SESN2: variants seen among roughly 807,000 people sequenced by gnomAD.
The protein encoded by SESN2 is sestrin-2.
SESN2 carries 42 observed loss-of-function variants against 56.0 expected under a neutral mutation model. The observed-to-expected ratio is 0.75, with a 90% CI of 0.59 to 0.97. The LOEUF is 0.97. Ranked by LOEUF, SESN2 falls within the 50% of genes least tolerant of loss-of-function variation. The pLI is 0.00. For missense variants in SESN2, 507 were observed against 649.4 expected (o/e 0.78, Z 2.38); for synonymous variants, 264 against 267.1 (o/e 0.99, Z 0.11).
intron 9 of SESN2, among the ~76,000 whole-genome samples, chr1:28,279,712 A>AT (rs1229353364): frequency 4.6e-5 from 7 of 151,574 alleles, no homozygotes; most frequent in Non-Finnish European, 1.0e-4. Context: ...TCCCCAGCTA[A>AT]TTTTTTGTAT....
In SESN2 at chr1:28,271,725, C is replaced by T. The variant is rs765961784; in HGVS notation, c.208C>T (p.Leu70=). 2 of 1,614,120 alleles carry T rather than the reference C, an allele frequency of 1.2e-6. No homozygotes were observed. Among genetic ancestry groups the T allele is most frequent in the Non-Finnish European group, 1.7e-6 (2 of 1,180,050 alleles). The change falls in exon 3 of 10, where the codon CTG becomes TTG. Residue 70 remains leucine (L), a synonymous_variant. Transcript: ENST00000253063. ...CGAGCAGCACCTGGGGCTGGAGGCA[C>T]TGATGTCCTCTGGGCGAGTAGACAA... ...SLEQHLGLEA[L]MSSGRVDNLA...
Position 28,273,366 on chromosome 1 carries a change from G to A in SESN2, c.759G>A (p.Glu253=), listed in dbSNP as rs768520117. 5.6e-6 allele frequency: 9 copies of A among 1,594,770 alleles called. No homozygotes were observed. In the East Asian group the frequency reaches 1.8e-4, roughly 32 times the overall value. ...CGGGGCCTCTCCTGCAGGGCTTTGA[G>A]TCTGCCCGCGACGTGGAGGCGCTGA... ...RDPLNNSGGF[E]SARDVEALME... is the part of the protein sequence containing the mutation. The change falls in exon 6 of 10, where the codon GAG becomes GAA. Residue 253 remains glutamate (E), a synonymous_variant. Transcript: ENST00000253063.
intron 8 of SESN2, among the ~76,000 whole-genome samples, chr1:28,276,501 A>T (rs182255840): frequency 7.9e-5 from 12 of 151,950 alleles, no homozygotes; most frequent in East Asian, 1.9e-4. Flanking sequence ...AATAAAATTT[A>T]AAAAAAATTA....
In SESN2 at chr1:28,274,832, C is replaced by T. The variant is rs1251134674; in HGVS notation, c.1028C>T (p.Thr343Ile). 1.2e-6 allele frequency: 2 copies of T among 1,612,348 alleles called. No homozygotes were observed. The highest frequency in any genetic ancestry group is 1.7e-6 in the Non-Finnish European group (2 of 1,178,882). The change falls in exon 8 of 10, where the codon ACC (threonine) becomes ATC (isoleucine). Residue 343 changes from threonine (T) to isoleucine (I), a missense_variant. Physicochemically the swap from Thr to Ile is moderately conservative, Grantham distance 89 (BLOSUM62 -1). Transcript: ENST00000253063. ...CCTTCCCACCTACCTAAGGATTATA[C>T]CTGGGAAGACCATGGCTACTCGCTG... ...APPTFRAQDY[T>I]WEDHGYSLIQ...
At chr1:28,260,651 A>G (rs1026052135) in intron 1 of SESN2, among the ~76,000 whole-genome samples, 2 of 152,130 alleles carry the variant, frequency 1.3e-5, no homozygotes, top group East Asian at 1.9e-4. Context: ...CTGAAGGCCC[A>G]GAAGTTTGTT....
At position 28,280,902 on chromosome 1, in the gene SESN2, G is replaced by T. The variant is rs533051045; in HGVS notation, c.*100G>T. On this transcript the variant is annotated 3_prime_UTR_variant, in exon 10 of 10. Coordinates refer to ENST00000253063, the MANE Select transcript of SESN2 (RefSeq NM_031459.5). The stretch of plus-strand genomic sequence containing the variant: ...TGTGTCCCATGCCCACCCTCCCCAC[G>T]CTGCAGTGGGCTTGTGTGTGATGTG... The T allele has an allele frequency of 2.4e-6, 2 of 842,654 alleles. No individual in the cohort carries two copies. Among genetic ancestry groups the T allele is most frequent in the South Asian group, 2.9e-5 (2 of 69,550 alleles). The allele number at this position is 842,654 out of a possible 1,614,324, so 52.2% of individuals were successfully genotyped here. A position where few individuals can be genotyped will look rare whatever the true frequency, so the allele number is the denominator to read the frequency against.
At chr1:28,262,634 A>AC in intron 1 of SESN2, among the ~76,000 whole-genome samples, 1 of 148,410 alleles carries the variant, frequency 6.7e-6, no homozygotes, top group Non-Finnish European at 1.5e-5. Context: ...AAAAAAAAAA[A>AC]AAAAAAAAAC....
chr1:28,282,082 C>G lies in SESN2; in HGVS notation c.*1280C>G, dbSNP rs1163380923. 1 of 152,296 alleles carries G rather than the reference C, an allele frequency of 6.6e-6. No individual in the cohort carries two copies. The highest frequency in any genetic ancestry group is 1.9e-4 in the East Asian group (1 of 5,200). The allele number at this position is 152,296 out of a possible 1,614,324, so 9.4% of individuals were successfully genotyped here. ...AGGCAGAAGCAGCCAAGGACCGATT[C>G]CAGGCACTTTCTGTAGCAAATGACT... is the stretch of plus-strand genomic sequence containing the variant. On this transcript the variant is annotated 3_prime_UTR_variant, in exon 10 of 10. Transcript: ENST00000253063.
At chr1:28,275,585 C>A (rs2149039933) in intron 8 of SESN2, among the ~76,000 whole-genome samples, 1 of 150,526 alleles carries the variant, frequency 6.6e-6, no homozygotes, top group South Asian at 2.1e-4. Flanking sequence ...AAACCCCGTT[C>A]TACTAAAAAT....
chr1:28,260,730 C>T (rs1647347238), intron 1 of SESN2, among the ~76,000 whole-genome samples: 1 of 151,200 alleles, frequency 6.6e-6, no homozygotes, highest in African/African-American at 2.4e-5. Context: ...CGCATCCCGG[C>T]ATAGCCCGCA....
chr1:28,270,939 T>C lies in SESN2; in HGVS notation c.157-735T>C, dbSNP rs142994719. 5.4e-3 allele frequency among the ~76,000 whole-genome samples: 824 copies of C among 152,264 alleles called. 5 individuals carry two copies. Among genetic ancestry groups the C allele is most frequent in the African/African-American group, 0.019 (792 of 41,562 alleles). On this transcript the variant is annotated intron_variant, in intron 2 of 9. Transcript: ENST00000253063. Reference sequence around the variant, plus strand: ...GCTCATGCCTGTAATCCCAGCACTTTGGGAGGCCAAGGTTTGGGGATCACT... The same window carrying C: ...GCTCATGCCTGTAATCCCAGCACTTCGGGAGGCCAAGGTTTGGGGATCACT...
rs765902553 is a variant in SESN2, at chr1:28,280,443, T to C, written c.1357-273T>C. On this transcript the variant is annotated intron_variant, in intron 9 of 9. Transcript: ENST00000253063. Reference sequence around the variant, plus strand: ...GGCTGGTCTCGAACTCCTGACCTCCTGATCCACTCGCCTTGGCCTCCCAAA... The same window carrying C: ...GGCTGGTCTCGAACTCCTGACCTCCCGATCCACTCGCCTTGGCCTCCCAAA... 5.3e-5 allele frequency among the ~76,000 whole-genome samples: 8 copies of C among 152,226 alleles called. No individual in the cohort carries two copies. In the South Asian group the frequency reaches 1.7e-3, roughly 31 times the overall value.
At chr1:28,263,959 T>C (rs1160383882) in intron 1 of SESN2, among the ~76,000 whole-genome samples, 1 of 151,760 alleles carries the variant, frequency 6.6e-6, no homozygotes, top group Non-Finnish European at 1.5e-5. Context: ...GCATGGTGGC[T>C]CATGCCTGTA....
chr1:28,260,017 G>A, intron 1 of SESN2, 80 bp downstream of exon 1: 1 of 1,107,282 alleles, frequency 9.0e-7, no homozygotes, highest in Non-Finnish European at 1.2e-6. Flanking sequence ...GAGCTGAGTC[G>A]GTGTGTCCTG....
intron 1 of SESN2, among the ~76,000 whole-genome samples, chr1:28,268,864 C>G (rs1164589756): frequency 6.6e-6 from 1 of 152,162 alleles, no homozygotes; most frequent in Non-Finnish European, 1.5e-5. Flanking sequence ...TCTCTGGGAC[C>G]ACTAAGAAGG....
Position 28,259,688 on chromosome 1 carries a change from C to T in SESN2, c.-160C>T, listed in dbSNP as rs1380568815. ...GGGGAAGAGTCCAGCACCAAAGCGG[C>T]CGTTCTCGGATTCCGGAGCGTTCTG... is the stretch of plus-strand genomic sequence containing the variant. On this transcript the variant is annotated 5_prime_UTR_variant, in exon 1 of 10. Transcript: ENST00000253063. 21 of 525,088 alleles carry T rather than the reference C, an allele frequency of 4.0e-5. No homozygotes were observed. Among genetic ancestry groups the T allele is most frequent in the African/African-American group, 8.1e-5 (4 of 49,624 alleles). The allele number at this position is 525,088 out of a possible 1,614,324, so 32.5% of individuals were successfully genotyped here. A position where few individuals can be genotyped will look rare whatever the true frequency, so the allele number is the denominator to read the frequency against.
At chr1:28,275,639 CT>C (rs1333743776) in intron 8 of SESN2, among the ~76,000 whole-genome samples, 4 of 152,088 alleles carry the variant, frequency 2.6e-5, no homozygotes, top group East Asian at 3.9e-4. Flanking sequence ...GTAATCCCAG[CT>C]ACTCAAGAGG....
At chr1:28,271,292 G>A (rs1323013059) in intron 2 of SESN2, among the ~76,000 whole-genome samples, 2 of 152,184 alleles carry the variant, frequency 1.3e-5, no homozygotes, top group Non-Finnish European at 2.9e-5. Context: ...ATATGCATTT[G>A]CAGTGTTAGA....
At position 28,269,165 on chromosome 1, in the gene SESN2, T is replaced by G; in HGVS notation, c.91-18T>G. The G allele has an allele frequency of 6.2e-7, 1 of 1,602,614 alleles. No homozygotes were observed. The highest frequency in any genetic ancestry group is 1.3e-5 in the African/African-American group (1 of 74,716). ...TTCTCCCTTCTACTACGGACTAACC[T>G]CATATGTTTCCTCCCAGGAGCAGAG... is the stretch of plus-strand genomic sequence containing the variant. On this transcript the variant is annotated intron_variant, in intron 1 of 9. Coordinates refer to ENST00000253063, the MANE Select transcript of SESN2 (RefSeq NM_031459.5).
Sources: allele counts gnomAD v4.1 joint callset (sites outside exome capture counted in the v4.1 genomes callset), GRCh38; gene constraint gnomAD v4.1.1; transcripts MANE v1.5; gene names NCBI Gene and HGNC (gene_info 2026-07-23, HGNC 2026-07-21).